Variants in CNTNAP2 observed in about 807,000 individuals in gnomAD.
CNTNAP2 encodes contactin-associated protein-like 2.
Under a neutral mutation model 155.2 loss-of-function variants are expected in CNTNAP2, and 98 were observed. That is an observed-to-expected ratio of 0.63 (90% CI 0.54 to 0.75). CNTNAP2 has a LOEUF of 0.75. Among genes scored for constraint, CNTNAP2 ranks in the 30% least tolerant of loss-of-function variants. The pLI is 0.00. For synonymous variants in CNTNAP2, 651 were observed against 631.2 expected (o/e 1.03, Z -0.47); for missense variants, 1,727 against 1,688.1 (o/e 1.02, Z -0.40).
intron 1 of CNTNAP2, among the ~76,000 whole-genome samples, chr7:146,504,070 G>A (rs1034311289): frequency 6.6e-6 from 1 of 152,198 alleles, no homozygotes; most frequent in Non-Finnish European, 1.5e-5. Context: ...TTGTGCGCCT[G>A]CACTACAAAC....
At chr7:147,761,787 A>G (rs1797302136) in intron 13 of CNTNAP2, among the ~76,000 whole-genome samples, 1 of 152,202 alleles carries the variant, frequency 6.6e-6, no homozygotes, top group African/African-American at 2.4e-5. Flanking sequence ...CACAGAATAT[A>G]CAGTTCTACT....
intron 12 of CNTNAP2, among the ~76,000 whole-genome samples, chr7:147,629,301 G>A (rs1448057784): frequency 2.0e-5 from 3 of 151,958 alleles, no homozygotes; most frequent in African/African-American, 7.3e-5. Context: ...TACCTGGGAG[G>A]CTGAGGCAGG....
At chr7:147,618,729 A>ACACC (rs1199904527) in intron 12 of CNTNAP2, among the ~76,000 whole-genome samples, 5 of 150,524 alleles carry the variant, frequency 3.3e-5, no homozygotes, top group Admixed American at 3.3e-4. Flanking sequence ...ACACACACAC[A>ACACC]CACTTATACG....
chr7:147,126,340 T>A (rs1417898612), intron 6 of CNTNAP2, among the ~76,000 whole-genome samples: 1 of 152,336 alleles, frequency 6.6e-6, no homozygotes, highest in South Asian at 2.1e-4. Context: ...TTAATAAATG[T>A]ATCATATGAG....
intron 13 of CNTNAP2, among the ~76,000 whole-genome samples, chr7:147,776,482 C>G (rs1797588009): frequency 1.3e-5 from 2 of 152,182 alleles, no homozygotes; most frequent in Non-Finnish European, 2.9e-5. Flanking sequence ...TGCCCATGCA[C>G]ACACGTGGAT....
chr7:146,162,447 C>A (rs1464446164), intron 1 of CNTNAP2, among the ~76,000 whole-genome samples: 2 of 152,148 alleles, frequency 1.3e-5, no homozygotes, highest in Non-Finnish European at 2.9e-5. Flanking sequence ...CAAATCAAAA[C>A]CACAATGAGA....
intron 1 of CNTNAP2, among the ~76,000 whole-genome samples, chr7:146,659,034 C>A (rs959182348): frequency 1.3e-5 from 2 of 152,158 alleles, no homozygotes; most frequent in African/African-American, 4.8e-5. Flanking sequence ...CTGCTACTGA[C>A]CGTGGGTACT....
intron 15 of CNTNAP2, among the ~76,000 whole-genome samples, chr7:148,106,934 G>A (rs78237613): frequency 0.014 from 2,091 of 152,058 alleles, 50 homozygotes; most frequent in African/African-American, 0.046. Context: ...AGCTATTCAC[G>A]TCTCCGCTTC....
At chr7:147,971,015 G>T (rs1585054633) in intron 14 of CNTNAP2, among the ~76,000 whole-genome samples, 1 of 152,122 alleles carries the variant, frequency 6.6e-6, no homozygotes, top group African/African-American at 2.4e-5. Context: ...TAAGAAAGGT[G>T]TGTTTTCTAT....
At position 146,611,308 on chromosome 7, in the gene CNTNAP2, C is replaced by T. The variant is rs900486019; in HGVS notation, c.98-162963C>T. On this transcript the variant is annotated intron_variant, in intron 1 of 23. Transcript: ENST00000361727. ...GTCTCACTATGTTGCCCAGTCTATT[C>T]TCAAGCCCCTGGGCTCAAGGAATCT... is the stretch of plus-strand genomic sequence containing the variant. Among the ~76,000 whole-genome samples the T allele has an allele frequency of 2.0e-5, 3 of 152,098 alleles. No homozygotes were observed. The East Asian group carries it at 5.8e-4, about 29-fold the overall frequency.
At chr7:146,406,853 G>A (rs1261880460) in intron 1 of CNTNAP2, among the ~76,000 whole-genome samples, 11 of 152,206 alleles carry the variant, frequency 7.2e-5, no homozygotes, top group African/African-American at 2.4e-4. Context: ...AATATGGAAA[G>A]CAGCCAGGTG....
chr7:147,345,632 G>A (rs1286633456), intron 9 of CNTNAP2, among the ~76,000 whole-genome samples: 1 of 152,086 alleles, frequency 6.6e-6, no homozygotes, highest in Non-Finnish European at 1.5e-5. Context: ...GGTTGCCAAA[G>A]ATAAGGTGCC....
intron 4 of CNTNAP2, among the ~76,000 whole-genome samples, chr7:147,077,587 A>G (rs1483199687): frequency 6.6e-6 from 1 of 152,190 alleles, no homozygotes; most frequent in African/African-American, 2.4e-5. Context: ...CACCAAATAC[A>G]TAAATAATGT....
rs1256034776 is a variant in CNTNAP2 at position 146,151,697 on chromosome 7, T to C, written c.97+34724T>C. ...ATATATATATGTATATATATATATA[T>C]GTATATATATATATATGTATATATA... On this transcript the variant is annotated intron_variant, in intron 1 of 23. Transcript: ENST00000361727. 2.7e-4 allele frequency among the ~76,000 whole-genome samples: 11 copies of C among 40,216 alleles called. 1 individual carries two copies. The highest frequency in any genetic ancestry group is 1.1e-3 in the African/African-American group (9 of 8,142). The allele number at this position is 40,216 out of a possible 152,430, so 26.4% of individuals were successfully genotyped here. A position where few individuals can be genotyped will look rare whatever the true frequency, so the allele number is the denominator to read the frequency against.
chr7:146,756,383 C>A (rs894081977), intron 1 of CNTNAP2, among the ~76,000 whole-genome samples: 5 of 151,966 alleles, frequency 3.3e-5, no homozygotes, highest in African/African-American at 1.2e-4. Flanking sequence ...TGCTTGATAA[C>A]ATTATCTTCT....
chr7:148,171,680 A>G (rs1805797146), intron 17 of CNTNAP2, among the ~76,000 whole-genome samples: 1 of 152,188 alleles, frequency 6.6e-6, no homozygotes, highest in African/African-American at 2.4e-5. Flanking sequence ...ATTTCTGTGT[A>G]AAGTTATCAG....
chr7:146,747,064 T>C (rs1472263583), intron 1 of CNTNAP2, among the ~76,000 whole-genome samples: 1 of 152,174 alleles, frequency 6.6e-6, no homozygotes, highest in Admixed American at 6.5e-5. Flanking sequence ...CTCTGGAAAC[T>C]GGCTTACTAC....
At chr7:147,786,832 G>T (rs1180388572) in intron 13 of CNTNAP2, among the ~76,000 whole-genome samples, 5 of 152,074 alleles carry the variant, frequency 3.3e-5, no homozygotes, top group Admixed American at 3.3e-4. Flanking sequence ...AGCCAGGCAT[G>T]GTAGCATGTA....
chr7:147,924,690 G>A (rs1172836023), intron 14 of CNTNAP2, among the ~76,000 whole-genome samples: 11 of 152,114 alleles, frequency 7.2e-5, no homozygotes, highest in Admixed American at 1.3e-4. Context: ...CCGGGAAGAT[G>A]GAACAGAGAA....
Sources: gnomAD v4.1 joint callset for allele counts (sites outside exome capture counted in the v4.1 genomes callset) on GRCh38, gnomAD v4.1.1 for gene constraint, MANE v1.5 for transcripts, NCBI Gene and HGNC (gene_info 2026-07-23, HGNC 2026-07-21) for gene names.